The following ADAMTSL1 variants were observed in gnomAD, a reference collection of about 807,000 sequenced individuals.
ADAMTSL1 encodes ADAMTS like 1, also known as ADAMTS-like protein 1.
Under a neutral mutation model 201.8 loss-of-function variants are expected in ADAMTSL1, and 126 were observed. That is an observed-to-expected ratio of 0.62 (90% CI 0.54 to 0.72). The LOEUF (loss-of-function observed/expected upper bound fraction) is 0.72. Ranked by LOEUF, ADAMTSL1 falls within the 30% of genes least tolerant of loss-of-function variation. ADAMTSL1 has a pLI of 0.00. For synonymous variants in ADAMTSL1, 1,121 were observed against 903.4 expected (o/e 1.24, Z -4.32); for missense variants, 2,679 against 2,277.8 (o/e 1.18, Z -3.59).
chr9:18,006,620 T>A (rs896893315), intron 1 of ADAMTSL1, among the ~76,000 whole-genome samples: 1 of 151,990 alleles, frequency 6.6e-6, no homozygotes. Context: ...ATATATCCCA[T>A]GGTCTCTCTT....
At chr9:18,356,122 G>C (rs971340335) in intron 2 of ADAMTSL1, among the ~76,000 whole-genome samples, 1 of 152,200 alleles carries the variant, frequency 6.6e-6, no homozygotes, top group African/African-American at 2.4e-5. Flanking sequence ...GATTAAAACA[G>C]CTTTCAGTGG....
intron 2 of ADAMTSL1, among the ~76,000 whole-genome samples, chr9:18,184,940 T>G (rs578009996): frequency 1.8e-4 from 28 of 152,282 alleles, no homozygotes; most frequent in African/African-American, 6.7e-4. Flanking sequence ...TGTTCTAACT[T>G]TGCATTTCAT....
intron 2 of ADAMTSL1, among the ~76,000 whole-genome samples, chr9:18,290,298 G>A (rs1833198650): frequency 7.8e-6 from 1 of 127,888 alleles, no homozygotes; most frequent in African/African-American, 2.8e-5. Context: ...TTTTTTTCTA[G>A]TGCTGCAGGG....
At chr9:18,373,702 T>C (rs1228552065) in intron 2 of ADAMTSL1, among the ~76,000 whole-genome samples, 1 of 152,166 alleles carries the variant, frequency 6.6e-6, no homozygotes, top group Non-Finnish European at 1.5e-5. Context: ...TTTACTCAGC[T>C]GCACATTCCC....
At chr9:18,670,159 T>G (rs1279632513) in intron 9 of ADAMTSL1, among the ~76,000 whole-genome samples, 2 of 152,198 alleles carry the variant, frequency 1.3e-5, no homozygotes, top group Non-Finnish European at 2.9e-5. Flanking sequence ...GTTCATTTTT[T>G]AAAATATAGT....
chr9:18,881,995 T>C (rs1828564337), intron 23 of ADAMTSL1, among the ~76,000 whole-genome samples: 1 of 152,204 alleles, frequency 6.6e-6, no homozygotes, highest in Non-Finnish European at 1.5e-5. Flanking sequence ...TGGCCTCTGA[T>C]TCCAAGGAGG....
intron 7 of ADAMTSL1, among the ~76,000 whole-genome samples, chr9:18,656,837 T>A (rs1458467452): frequency 6.6e-6 from 1 of 152,072 alleles, no homozygotes; most frequent in Admixed American, 6.6e-5. Context: ...CTTCATGAAA[T>A]TGTTGACATA....
At chr9:18,470,332 T>C (rs1338866347), upstream of ADAMTSL1, among the ~76,000 whole-genome samples, 2 of 152,180 alleles carry the variant, frequency 1.3e-5, no homozygotes, top group South Asian at 4.1e-4. Flanking sequence ...ACTAGGTGAG[T>C]TGGCAAGTTG....
intron 2 of ADAMTSL1, among the ~76,000 whole-genome samples, chr9:18,205,994 C>T (rs1406811940): frequency 7.9e-6 from 1 of 125,812 alleles, no homozygotes; most frequent in Non-Finnish European, 1.6e-5. Flanking sequence ...ACAGAGTTTG[C>T]AGTGAGCTGA....
chr9:18,594,815 G>A (rs564123359), intron 4 of ADAMTSL1, among the ~76,000 whole-genome samples: 10 of 152,074 alleles, frequency 6.6e-5, no homozygotes, highest in South Asian at 2.1e-4. Context: ...GATCTCTGGC[G>A]TCTTGTCTGT....
intron 1 of ADAMTSL1, among the ~76,000 whole-genome samples, chr9:18,487,445 A>G (rs918772746): frequency 6.6e-6 from 1 of 152,164 alleles, no homozygotes; most frequent in Non-Finnish European, 1.5e-5. Context: ...GGTCCTTCTG[A>G]CTTTCATTCT....
chr9:18,079,682 AAAATAAAT>A (rs200603951), intron 1 of ADAMTSL1, among the ~76,000 whole-genome samples: 7,278 of 141,684 alleles, frequency 0.051, 530 homozygotes, highest in African/African-American at 0.16. Context: ...ACTCTGTCTC[AAAATAAAT>A]AAATAAATAA....
chr9:18,290,954 T>G (rs1199149134), intron 2 of ADAMTSL1, among the ~76,000 whole-genome samples: 1 of 151,994 alleles, frequency 6.6e-6, no homozygotes. Context: ...GCTAATTTTT[T>G]GTATATTTAG....
chr9:18,823,785 TCAACGC>T (rs1449893684), intron 21 of ADAMTSL1, among the ~76,000 whole-genome samples: 1 of 152,170 alleles, frequency 6.6e-6, no homozygotes, highest in African/African-American at 2.4e-5. Flanking sequence ...GGTCAGGAGT[TCAACGC>T]CAGCCTGGCC....
At chr9:18,355,371 A>T (rs1836173361) in intron 2 of ADAMTSL1, among the ~76,000 whole-genome samples, 1 of 152,192 alleles carries the variant, frequency 6.6e-6, no homozygotes. Context: ...TTTGTTATAT[A>T]AAGTATGTGT....
chr9:18,815,711 C>CAAAAAAAAAAAAAAAAAAAAAAAAAA, intron 20 of ADAMTSL1, among the ~76,000 whole-genome samples: 1 of 67,934 alleles, frequency 1.5e-5, no homozygotes, highest in Non-Finnish European at 2.8e-5. Flanking sequence ...AACCCTGTCT[C>CAAAAAAAAAAAAAAAAAAAAAAAAAA]AAAAAAAAAA....
At chr9:17,929,758 C>G (rs976362216) in intron 1 of ADAMTSL1, among the ~76,000 whole-genome samples, 2 of 152,272 alleles carry the variant, frequency 1.3e-5, no homozygotes, top group South Asian at 4.1e-4. Flanking sequence ...AGTCCTGACC[C>G]TGGACTTCCT....
intron 1 of ADAMTSL1, among the ~76,000 whole-genome samples, chr9:18,096,669 A>C (rs894101355): frequency 1.3e-5 from 2 of 152,242 alleles, no homozygotes; most frequent in African/African-American, 4.8e-5. Flanking sequence ...TAAAATACAG[A>C]CATTAAGAAT....
chr9:18,558,982 A>G (rs1587558501), intron 3 of ADAMTSL1, among the ~76,000 whole-genome samples: 1 of 151,828 alleles, frequency 6.6e-6, no homozygotes, highest in African/African-American at 2.4e-5. Context: ...ATGATAGTTT[A>G]TTTTGCTGTG....
Sources: gnomAD v4.1 joint callset for allele counts (sites outside exome capture counted in the v4.1 genomes callset) on GRCh38, gnomAD v4.1.1 for gene constraint, MANE v1.5 for transcripts, NCBI Gene and HGNC (gene_info 2026-07-23, HGNC 2026-07-21) for gene names.